Variants in GLA observed in about 807,000 individuals in gnomAD.
GLA encodes the protein alpha-galactosidase A.
GLA carries 4 observed loss-of-function variants against 28.2 expected under a neutral mutation model. That is an observed-to-expected ratio of 0.14 (90% CI 0.07 to 0.32). The LOEUF (loss-of-function observed/expected upper bound fraction) is 0.32, where lower values mean the gene tolerates loss of function less well. Among genes scored for constraint, GLA ranks in the 10% least tolerant of loss-of-function variants. The probability of loss-of-function intolerance (pLI) is 1.00; values close to 1 mark genes in which losing one functional copy is unlikely to be tolerated. For missense variants in GLA, 203 were observed against 323.7 expected (o/e 0.63, Z 2.86); for synonymous variants, 94 against 113.0 (o/e 0.83, Z 1.07).
In GLA at chrX:101,403,839, G is replaced by A. The variant is rs1555986247; in HGVS notation, c.341C>T (p.Pro114Leu). The A allele has an allele frequency of 8.3e-7, 1 of 1,210,314 alleles. No individual in the cohort carries two copies. Among genetic ancestry groups the A allele is most frequent in the Non-Finnish European group, 1.1e-6 (1 of 894,926 alleles). Residue 114 changes from proline (P) to leucine (L), a missense_variant, in exon 2 of 7, where the codon CCT (proline) becomes CTT (leucine). By Grantham distance (98) the Pro-to-Leu change is moderately conservative. Coordinates refer to ENST00000218516, the MANE Select transcript of GLA (RefSeq NM_000169.3). The stretch of plus-strand genomic sequence containing the variant: ...ATTAGCTAGCTGGCGAATCCCATGA[G>A]GAAAGCGCTGAGGGTCTGCCTGAAG... ...GRLQADPQRF[P>L]HGIRQLANYV...
In GLA at chrX:101,401,650, A is replaced by G; in HGVS notation, c.529T>C (p.Leu177=). 8.3e-7 allele frequency: 1 copy of G among 1,210,921 alleles called. No homozygotes were observed. The highest frequency in any genetic ancestry group is 1.8e-5 in the South Asian group (1 of 56,974). The part of the protein sequence containing the change: ...LKFDGCYCDS[L]ENLADGYKHM... Reference sequence around the variant, plus strand: ...ACATTACCATCTGCCAAATTTTCCAAACTGTCACAGTAACAACCATCAAAT... The same window carrying G: ...ACATTACCATCTGCCAAATTTTCCAGACTGTCACAGTAACAACCATCAAAT... Residue 177 remains leucine (L), a synonymous_variant, in exon 3 of 7, where the codon TTG becomes CTG. Coordinates refer to ENST00000218516, the MANE Select transcript of GLA (RefSeq NM_000169.3).
chrX:101,397,893 C>A lies in GLA; in HGVS notation c.1206G>T (p.Arg402Ser). 1 of 1,204,719 alleles carries A rather than the reference C, an allele frequency of 8.3e-7. No individual in the cohort carries two copies. The highest frequency in any genetic ancestry group is 3.0e-5 in the East Asian group (1 of 33,838). Residue 402 changes from arginine (R) to serine (S), a missense_variant, in exon 7 of 7, where the codon AGG becomes AGT. Coordinates refer to ENST00000218516, the MANE Select transcript of GLA (RefSeq NM_000169.3). The part of the protein sequence containing the change: ...RKLGFYEWTS[R>S]LRSHINPTGT... ...CTGTGGGATTTATGTGACTTCTTAA[C>A]CTTGAAGTCCATTCATAGAACCCTA...
chrX:101,398,550 A>G lies in GLA; in HGVS notation c.819T>C (p.Phe273=). 2.5e-6 allele frequency: 3 copies of G among 1,204,431 alleles called. No individual in the cohort carries two copies. Among genetic ancestry groups the G allele is most frequent in the Non-Finnish European group, 3.4e-6 (3 of 888,775 alleles). The change falls in exon 6 of 7, where the codon TTT becomes TTC. Residue 273 remains phenylalanine, a synonymous_variant. Transcript: ENST00000218516. Reference sequence around the variant, plus strand: ...TTACTTGCTGATTCCAGCTGAGGCCAAAGTTGCCAATCACTAACTGAGAAA... The same window carrying G: ...TTACTTGCTGATTCCAGCTGAGGCCGAAGTTGCCAATCACTAACTGAGAAA... ...NDPDMLVIGN[F]GLSWNQQVTQ... is the part of the protein sequence containing the mutation.
chrX:101,401,472 T>G, intron 3 of GLA, 160 bp downstream of exon 3: 1 of 521,458 alleles, frequency 1.9e-6, no homozygotes, highest in Non-Finnish European at 3.5e-6. Flanking sequence ...AATTAATTAA[T>G]GAACTGAAAG....
chrX:101,398,757 CT>C lies in GLA; in HGVS notation c.801+27del, dbSNP rs782698742. On this transcript the variant is annotated intron_variant, in intron 5 of 6. Transcript: ENST00000218516. The stretch of plus-strand genomic sequence containing the variant: ...ATAGGAAACAAGCCTACCGCAGGGT[CT>C]TGAACAAGGAGGGCTCAAGTTTTTA... 4.2e-6 allele frequency: 5 copies of C among 1,201,295 alleles called. No homozygotes were observed. In the East Asian group the frequency reaches 1.5e-4, roughly 36 times the overall value.
intron 2 of GLA, among the ~76,000 whole-genome samples, chrX:101,402,504 C>A (rs1471806684): frequency 8.9e-6 from 1 of 112,461 alleles, no homozygotes; most frequent in African/African-American, 3.2e-5. Context: ...GTGGCTCATG[C>A]CTGTAATCCC....
chrX:101,405,236 C>CAAAAAAA (rs11448515), intron 1 of GLA, among the ~76,000 whole-genome samples: 1 of 35,564 alleles, frequency 2.8e-5, no homozygotes, highest in Non-Finnish European at 5.8e-5. Flanking sequence ...AACTCCAGCT[C>CAAAAAAA]AAAAAAAAAA....
At position 101,401,612 on chromosome X, in the gene GLA, T is replaced by C. The variant is rs782538815; in HGVS notation, c.547+20A>G. ...CAAAGTTCTTTCCTTTGTGGCTAAATCTCTGGAATGAAACATTACCATCTG... is the reference window on the plus strand; with the variant it reads ...CAAAGTTCTTTCCTTTGTGGCTAAACCTCTGGAATGAAACATTACCATCTG... On this transcript the variant is annotated intron_variant, in intron 3 of 6. Transcript: ENST00000218516. 8.4e-7 allele frequency: 1 copy of C among 1,195,083 alleles called. No individual in the cohort carries two copies. Among genetic ancestry groups the C allele is most frequent in the South Asian group, 1.8e-5 (1 of 56,641 alleles).
At chrX:101,406,396 C>G (rs1301310959) in intron 1 of GLA, among the ~76,000 whole-genome samples, 1 of 109,974 alleles carries the variant, frequency 9.1e-6, no homozygotes, top group African/African-American at 3.3e-5. Context: ...ATATAGAAAA[C>G]AATTGTAAGG....
chrX:101,401,702 A>G lies in GLA; in HGVS notation c.477T>C (p.Phe159=), dbSNP rs1928321184. 1 of 1,207,639 alleles carries G rather than the reference A, an allele frequency of 8.3e-7. No homozygotes were observed. Among genetic ancestry groups the G allele is most frequent in the Non-Finnish European group, 1.1e-6 (1 of 893,045 alleles). The part of the protein sequence containing the change: ...FGYYDIDAQT[F]ADWGVDLLKF... ...TTAGCAGATCTACTCCCCAGTCAGC[A>G]AAGGTCTGGGCATCAATGTCGTAGT... Residue 159 remains phenylalanine, a synonymous_variant, in exon 3 of 7, where the codon TTT becomes TTC. Transcript: ENST00000218516.
In GLA at chrX:101,397,938, G is replaced by T; in HGVS notation, c.1161C>A (p.Leu387=). 8.3e-7 allele frequency: 1 copy of T among 1,210,815 alleles called. No individual in the cohort carries two copies. The highest frequency in any genetic ancestry group is 1.1e-6 in the Non-Finnish European group (1 of 894,611). ...ACNPACFITQ[L]LPVKRKLGFY... The stretch of plus-strand genomic sequence containing the variant: ...ACCCTAGCTTCCTTTTCACAGGGAG[G>T]AGCTGTGTGATGAAGCAGGCAGGAT... Residue 387 remains leucine (L), a synonymous_variant, in exon 7 of 7, where the codon CTC becomes CTA. Coordinates refer to ENST00000218516, the MANE Select transcript of GLA (RefSeq NM_000169.3).
Position 101,403,075 on chromosome X carries a change from G to A in GLA, c.369+736C>T, listed in dbSNP as rs1233133021. Among the ~76,000 whole-genome samples the A allele has an allele frequency of 2.7e-5, 3 of 109,285 alleles. No homozygotes were observed. In the Admixed American group the frequency reaches 2.9e-4, roughly 11 times the overall value. The allele number at this position is 109,285 out of a possible 115,157, so 94.9% of individuals were successfully genotyped here. A position where few individuals can be genotyped will look rare whatever the true frequency, so the allele number is the denominator to read the frequency against. On this transcript the variant is annotated intron_variant, in intron 2 of 6. Coordinates refer to ENST00000218516, the MANE Select transcript of GLA (RefSeq NM_000169.3). ...AGCACTTTGGGAGGCCGAGGTGGGC[G>A]GATCACGAGGTCAGGAGATCGAGAC...
At chrX:101,405,417 C>T (rs1174688524) in intron 1 of GLA, among the ~76,000 whole-genome samples, 1 of 110,988 alleles carries the variant, frequency 9.0e-6, no homozygotes, top group Non-Finnish European at 1.9e-5. Flanking sequence ...GAACAAAGTT[C>T]AGATGGACTA....
intron 2 of GLA, among the ~76,000 whole-genome samples, chrX:101,403,025 C>T (rs1347844076): frequency 9.1e-6 from 1 of 110,366 alleles, no homozygotes; most frequent in South Asian, 3.8e-4. Flanking sequence ...GTAGGCTAGG[C>T]GCGGTGGCTC....
At position 101,407,835 on chromosome X, in the gene GLA, G is replaced by C; in HGVS notation, c.69C>G (p.Ser23=). 8.3e-7 allele frequency: 1 copy of C among 1,211,468 alleles called. No individual in the cohort carries two copies. Among genetic ancestry groups the C allele is most frequent in the Non-Finnish European group, 1.1e-6 (1 of 895,055 alleles). ...ALALRFLALV[S]WDIPGARALD... ...GTGCTCTAGCCCCAGGGATGTCCCA[G>C]GAAACGAGGGCCAGGAAGCGAAGCG... The change falls in exon 1 of 7, where the codon TCC becomes TCG. Residue 23 remains serine, a synonymous_variant. Transcript: ENST00000218516.
chrX:101,400,277 G>A (rs1947470284), intron 4 of GLA, among the ~76,000 whole-genome samples: 1 of 111,194 alleles, frequency 9.0e-6, no homozygotes, highest in African/African-American at 3.3e-5. Flanking sequence ...AAAATAGATG[G>A]GGGTTGAGAC....
chrX:101,402,438 C>A (rs1344759715), intron 2 of GLA, among the ~76,000 whole-genome samples: 1 of 112,345 alleles, frequency 8.9e-6, no homozygotes, highest in Non-Finnish European at 1.9e-5. Flanking sequence ...TTGAACTTGG[C>A]TCTTTCCTCT....
In GLA at chrX:101,403,984, C is replaced by G. The variant is rs104894833; in HGVS notation, c.196G>C (p.Glu66Gln). The change falls in exon 2 of 7, where the codon GAG (glutamate) becomes CAG (glutamine). Residue 66 changes from glutamate to glutamine, a missense_variant and splice_region_variant. By Grantham distance (29) the Glu-to-Gln change is conservative (BLOSUM62 2). Transcript: ENST00000218516. ...TCTGCCATCTCCATGAAGAGCTTCT[C>G]ACTGAAAGAGAAATTCCAATAATCA... ...CQEEPDSCIS[E>Q]KLFMEMAELM... The G allele has an allele frequency of 1.3e-4, 159 of 1,203,291 alleles. 2 individuals carry two copies. In the East Asian group the frequency reaches 4.6e-3, roughly 35 times the overall value.
chrX:101,406,268 A>G (rs571633351), intron 1 of GLA, among the ~76,000 whole-genome samples: 33 of 109,785 alleles, frequency 3.0e-4, no homozygotes, highest in Middle Eastern at 9.2e-3. Flanking sequence ...CTAAGTAACA[A>G]TGAGGCAGAA....
Sources: allele counts gnomAD v4.1 joint callset (sites outside exome capture counted in the v4.1 genomes callset), GRCh38; gene constraint gnomAD v4.1.1; transcripts MANE v1.5; gene names NCBI Gene and HGNC (gene_info 2026-07-23, HGNC 2026-07-21).